Variants in RNLS observed in about 807,000 individuals in gnomAD.
The protein encoded by RNLS is renalase.
In RNLS, 39 loss-of-function variants were observed where a neutral mutation model predicts 39.8. That is an observed-to-expected ratio of 0.98 (90% confidence interval 0.76 to 1.28). The LOEUF is 1.28. Ranked by LOEUF, RNLS falls within the 50% of genes most tolerant of loss-of-function variation. The pLI is 0.00. For missense variants in RNLS, 410 were observed against 413.3 expected (o/e 0.99, Z 0.07); for synonymous variants, 147 against 150.7 (o/e 0.98, Z 0.18).
intron 4 of RNLS, among the ~76,000 whole-genome samples, chr10:88,445,367 C>T (rs7907866): frequency 0.33 from 50,084 of 152,026 alleles, 9,732 homozygotes; most frequent in African/African-American, 0.54. Context: ...CAAAAACATG[C>T]CAAATTGTAA....
intron 6 of RNLS, among the ~76,000 whole-genome samples, chr10:88,300,631 A>G (rs1332190979): frequency 2.0e-5 from 3 of 152,186 alleles, no homozygotes; most frequent in African/African-American, 7.2e-5. Flanking sequence ...GGCAAACTGT[A>G]CTATATCAGG....
At chr10:88,420,584 C>T (rs555036794) in intron 4 of RNLS, among the ~76,000 whole-genome samples, 5 of 152,272 alleles carry the variant, frequency 3.3e-5, no homozygotes, top group African/African-American at 1.2e-4. Flanking sequence ...ATCACATTGC[C>T]TTCTTCTCTG....
At chr10:88,296,023 G>C (rs1213271663) in intron 6 of RNLS, among the ~76,000 whole-genome samples, 1 of 152,106 alleles carries the variant, frequency 6.6e-6, no homozygotes, top group Non-Finnish European at 1.5e-5. Context: ...TAATTTAATA[G>C]AAAATTGTTC....
chr10:88,447,325 C>T (rs1232533218), intron 4 of RNLS, among the ~76,000 whole-genome samples: 1 of 152,072 alleles, frequency 6.6e-6, no homozygotes, highest in Non-Finnish European at 1.5e-5. Context: ...TCTCAGGATA[C>T]AAAATTAATG....
the RNLS span, among the ~76,000 whole-genome samples, chr10:88,216,400 A>T: frequency 1.3e-5 from 2 of 152,150 alleles, no homozygotes; most frequent in Admixed American, 6.5e-5. Flanking sequence ...CCTATCTTTC[A>T]TCTCTGATTT....
chr10:88,240,961 T>G, the RNLS span, among the ~76,000 whole-genome samples: 1 of 151,594 alleles, frequency 6.6e-6, no homozygotes, highest in Non-Finnish European at 1.5e-5. Context: ...TTTCATTATT[T>G]ATCATCATAT....
At chr10:88,202,675 G>A in the RNLS span, among the ~76,000 whole-genome samples, 13 of 152,242 alleles carry the variant, frequency 8.5e-5, no homozygotes, top group Admixed American at 5.2e-4. Flanking sequence ...TTCAGAACAG[G>A]CACCTGAGCT....
At chr10:88,461,209 G>A (rs1457912257) in intron 4 of RNLS, among the ~76,000 whole-genome samples, 2 of 152,054 alleles carry the variant, frequency 1.3e-5, no homozygotes, top group South Asian at 2.1e-4. Context: ...ATGTCCTCAA[G>A]GCTCAGCATC....
At chr10:88,240,076 A>G in the RNLS span, among the ~76,000 whole-genome samples, 1 of 152,252 alleles carries the variant, frequency 6.6e-6, no homozygotes, top group Non-Finnish European at 1.5e-5. Flanking sequence ...GGAAATGGAG[A>G]CATCTTTCCT....
In RNLS at chr10:88,515,935, G is replaced by A. The variant is rs1846381896; in HGVS notation, c.526+56968C>T. 2.6e-5 allele frequency among the ~76,000 whole-genome samples: 4 copies of A among 151,940 alleles called. No individual in the cohort carries two copies. The South Asian group carries it at 8.3e-4, about 32-fold the overall frequency. ...ATTAGGATAAAGTGAAGCCTTTAGG[G>A]TGGGCCCTAATCCAATTTGACTGGT... On this transcript the variant is annotated intron_variant, in intron 4 of 6. Coordinates refer to ENST00000331772, the MANE Select transcript of RNLS (RefSeq NM_001031709.3).
chr10:88,503,719 A>T (rs902151418), intron 4 of RNLS, among the ~76,000 whole-genome samples: 1 of 152,192 alleles, frequency 6.6e-6, no homozygotes, highest in African/African-American at 2.4e-5. Context: ...AGTTTTCAAG[A>T]TATGTTCACA....
At chr10:88,412,239 C>T (rs994435682) in intron 4 of RNLS, among the ~76,000 whole-genome samples, 19 of 151,996 alleles carry the variant, frequency 1.3e-4, no homozygotes, top group Non-Finnish European at 1.5e-5. Flanking sequence ...AAAGGGGAAC[C>T]AAAATGGAAC....
chr10:88,526,078 T>A (rs1390878531), intron 4 of RNLS, among the ~76,000 whole-genome samples: 1 of 152,038 alleles, frequency 6.6e-6, no homozygotes, highest in East Asian at 1.9e-4. Flanking sequence ...TTAAACCTAC[T>A]TCATCTTCAC....
intron 4 of RNLS, among the ~76,000 whole-genome samples, chr10:88,379,390 T>A (rs1191225432): frequency 1.4e-4 from 22 of 151,856 alleles, no homozygotes; most frequent in Admixed American, 5.9e-4. Context: ...ACCAAGGTGT[T>A]TTTTATTTAA....
intron 5 of RNLS, 64 bp downstream of exon 5, chr10:88,362,488 G>T: frequency 6.9e-7 from 1 of 1,442,098 alleles, no homozygotes; most frequent in Non-Finnish European, 9.5e-7. Context: ...CAATTAAACA[G>T]CATTTTTCAT....
At chr10:88,423,895 G>C (rs1854554111) in intron 4 of RNLS, among the ~76,000 whole-genome samples, 1 of 152,208 alleles carries the variant, frequency 6.6e-6, no homozygotes, top group African/African-American at 2.4e-5. Flanking sequence ...AGCACAGCTT[G>C]GTGCAGTGTT....
At chr10:88,448,737 C>A (rs1842190599) in intron 4 of RNLS, among the ~76,000 whole-genome samples, 1 of 152,226 alleles carries the variant, frequency 6.6e-6, no homozygotes, top group South Asian at 2.1e-4. Flanking sequence ...ATAGCAAAGA[C>A]TTGGAACCAA....
rs565196455 is a variant in RNLS at position 88,507,922 on chromosome 10, A to C, written c.526+64981T>G. ...AATTGATAACAGTGGGATTAACTGG[A>C]TATTTCTGCCACCTTAAAATAGGGT... is the stretch of plus-strand genomic sequence containing the variant. On this transcript the variant is annotated intron_variant, in intron 4 of 6. Transcript: ENST00000331772. Among the ~76,000 whole-genome samples, 54 of 152,288 alleles carry C rather than the reference A, an allele frequency of 3.5e-4. 1 individual carries two copies. The highest frequency in any genetic ancestry group is 9.9e-4 in the African/African-American group (41 of 41,572).
At chr10:88,216,227 T>A in the RNLS span, among the ~76,000 whole-genome samples, 1 of 152,188 alleles carries the variant, frequency 6.6e-6, no homozygotes, top group African/African-American at 2.4e-5. Context: ...TCTCAAGGCA[T>A]CAGGCTACAG....
Sources: gnomAD v4.1 joint callset for allele counts (sites outside exome capture counted in the v4.1 genomes callset) on GRCh38, gnomAD v4.1.1 for gene constraint, MANE v1.5 for transcripts, NCBI Gene and HGNC (gene_info 2026-07-23, HGNC 2026-07-21) for gene names.